Variants in NKAIN3 observed in about 807,000 individuals in gnomAD.
The protein encoded by NKAIN3 is sodium/potassium transporting ATPase interacting 3, also known as sodium/potassium-transporting ATPase subunit beta-1-interacting protein 3.
A neutral mutation model predicts 30.2 loss-of-function variants in NKAIN3; 25 were observed. That is an observed-to-expected ratio of 0.83 (90% CI 0.60 to 1.16). NKAIN3 has a LOEUF of 1.16. Among genes scored for constraint, NKAIN3 ranks in the 50% most tolerant of loss-of-function variants. The pLI is 0.00. For missense variants in NKAIN3, 225 were observed against 254.1 expected, an observed-to-expected ratio of 0.89 and a Z score of 0.78; for synonymous variants, 91 against 89.6, an observed-to-expected ratio of 1.02 and a Z score of -0.09.
chr8:62,838,290 T>C (rs1338464776), intron 4 of NKAIN3, among the ~76,000 whole-genome samples: 1 of 151,780 alleles, frequency 6.6e-6, no homozygotes, highest in African/African-American at 2.4e-5. Flanking sequence ...ATTTTCATCA[T>C]CAGAGGCAAA....
At chr8:62,586,560 C>A (rs1810483074) in intron 2 of NKAIN3, among the ~76,000 whole-genome samples, 2 of 151,904 alleles carry the variant, frequency 1.3e-5, no homozygotes, top group Admixed American at 1.3e-4. Flanking sequence ...ATAAGTCTAG[C>A]ATATTGTATA....
chr8:62,288,012 C>T lies in NKAIN3; in HGVS notation c.54+38885C>T, dbSNP rs74372403. 1.5e-4 allele frequency among the ~76,000 whole-genome samples: 23 copies of T among 152,282 alleles called. No homozygotes were observed. In the East Asian group the frequency reaches 4.3e-3, roughly 28 times the overall value. On this transcript the variant is annotated intron_variant, in intron 1 of 6. Coordinates refer to ENST00000623646, the MANE Select transcript of NKAIN3 (RefSeq NM_001304533.3). ...TTCTCTTCTTTCTACCTTCACCTGA[C>T]AATAGCCTATGAAGGCTTTTATTCT...
intron 1 of NKAIN3, among the ~76,000 whole-genome samples, chr8:62,508,057 A>G (rs1285774523): frequency 6.6e-6 from 1 of 152,210 alleles, no homozygotes; most frequent in Non-Finnish European, 1.5e-5. Context: ...GGAAGGTGAT[A>G]TGTTATTCCT....
At chr8:62,351,971 A>C (rs973235543) in intron 1 of NKAIN3, among the ~76,000 whole-genome samples, 1 of 152,188 alleles carries the variant, frequency 6.6e-6, no homozygotes, top group Admixed American at 6.5e-5. Flanking sequence ...CCTCCTGGTC[A>C]GGGTCCCCAT....
chr8:62,358,216 G>A (rs1179927918), intron 1 of NKAIN3, among the ~76,000 whole-genome samples: 1 of 141,598 alleles, frequency 7.1e-6, no homozygotes, highest in East Asian at 2.2e-4. Flanking sequence ...ATTGAGAGTT[G>A]AAGCTAATTA....
At chr8:62,386,625 A>T (rs1817432288) in intron 1 of NKAIN3, among the ~76,000 whole-genome samples, 1 of 152,190 alleles carries the variant, frequency 6.6e-6, no homozygotes, top group Non-Finnish European at 1.5e-5. Flanking sequence ...TTACAACCTA[A>T]TAAGGTTATT....
chr8:62,926,068 C>T (rs939310201), intron 5 of NKAIN3, among the ~76,000 whole-genome samples: 2 of 151,834 alleles, frequency 1.3e-5, no homozygotes, highest in Non-Finnish European at 2.9e-5. Context: ...CAGGTGGTGC[C>T]GAGTGGAAAA....
chr8:62,896,749 A>G (rs1250149012), intron 4 of NKAIN3, among the ~76,000 whole-genome samples: 2 of 152,174 alleles, frequency 1.3e-5, no homozygotes, highest in Admixed American at 1.3e-4. Context: ...GCTTAGCAGA[A>G]CCTAATAATT....
intron 1 of NKAIN3, among the ~76,000 whole-genome samples, chr8:62,331,924 T>C (rs532211637): frequency 6.6e-6 from 1 of 152,256 alleles, no homozygotes; most frequent in South Asian, 2.1e-4. Flanking sequence ...AGGAGATTAC[T>C]TTGAAGTCTG....
At chr8:62,303,887 G>A (rs1173931641) in intron 1 of NKAIN3, among the ~76,000 whole-genome samples, 3 of 150,412 alleles carry the variant, frequency 2.0e-5, no homozygotes, top group Non-Finnish European at 4.4e-5. Context: ...GGTTGTTACA[G>A]TACTATAAGT....
intron 4 of NKAIN3, among the ~76,000 whole-genome samples, chr8:62,750,305 C>T (rs1341131882): frequency 6.6e-6 from 1 of 152,068 alleles, no homozygotes; most frequent in Non-Finnish European, 1.5e-5. Context: ...TATTTGAGTG[C>T]TTTGACCACC....
chr8:62,576,389 T>A (rs1009992593), intron 1 of NKAIN3, among the ~76,000 whole-genome samples: 2 of 152,128 alleles, frequency 1.3e-5, no homozygotes, highest in Non-Finnish European at 2.9e-5. Flanking sequence ...CTACTTTTTT[T>A]AAAACTCAAG....
chr8:62,710,691 G>A (rs1361702450), intron 3 of NKAIN3, among the ~76,000 whole-genome samples: 2 of 152,202 alleles, frequency 1.3e-5, no homozygotes, highest in Non-Finnish European at 2.9e-5. Context: ...TATCTTTTAA[G>A]TGGAGCATTT....
At chr8:62,319,322 T>G (rs1301955940) in intron 1 of NKAIN3, among the ~76,000 whole-genome samples, 2 of 152,208 alleles carry the variant, frequency 1.3e-5, no homozygotes, top group Non-Finnish European at 2.9e-5. Flanking sequence ...TTTTTGTGTC[T>G]CTGTTTTCTT....
At chr8:62,449,225 C>T (rs960568372) in intron 1 of NKAIN3, among the ~76,000 whole-genome samples, 3 of 151,964 alleles carry the variant, frequency 2.0e-5, no homozygotes, top group Non-Finnish European at 2.9e-5. Context: ...CACACTGTGG[C>T]ATCATGGAAA....
chr8:62,366,383 T>C (rs546555517), intron 1 of NKAIN3, among the ~76,000 whole-genome samples: 4 of 151,932 alleles, frequency 2.6e-5, no homozygotes, highest in Admixed American at 6.6e-5. Flanking sequence ...TGCACCACTG[T>C]AGTTGATTAA....
At chr8:62,606,877 C>T (rs1401491462) in intron 3 of NKAIN3, among the ~76,000 whole-genome samples, 1 of 152,124 alleles carries the variant, frequency 6.6e-6, no homozygotes, top group Non-Finnish European at 1.5e-5. Flanking sequence ...GTGAGCTGTG[C>T]TCATCATTAG....
intron 3 of NKAIN3, among the ~76,000 whole-genome samples, chr8:62,739,513 C>T (rs1444800983): frequency 6.6e-6 from 1 of 151,970 alleles, no homozygotes; most frequent in African/African-American, 2.4e-5. Context: ...CAAACTAGAG[C>T]CTGTTCAGAC....
chr8:62,626,916 C>A (rs1037473659), intron 3 of NKAIN3, among the ~76,000 whole-genome samples: 4 of 152,050 alleles, frequency 2.6e-5, no homozygotes, highest in African/African-American at 9.7e-5. Flanking sequence ...CAGTGAAATA[C>A]AGGGGAATTT....
Sources: allele counts gnomAD v4.1 joint callset (sites outside exome capture counted in the v4.1 genomes callset), GRCh38; gene constraint gnomAD v4.1.1; transcripts MANE v1.5; gene names NCBI Gene and HGNC (gene_info 2026-07-23, HGNC 2026-07-21).